DCPH1: variants seen among roughly 807,000 people sequenced by gnomAD.
DCPH1 encodes damage control phosphatase 1.
the DCPH1 span, among the ~76,000 whole-genome samples, chr6:151,465,825 A>AGATT: frequency 2.0e-5 from 3 of 152,226 alleles, no homozygotes; most frequent in Non-Finnish European, 2.9e-5. Context: ...ACTTGCTAAC[A>AGATT]GATTATACCT....
the DCPH1 span, among the ~76,000 whole-genome samples, chr6:151,465,373 G>A: frequency 6.6e-6 from 1 of 152,148 alleles, no homozygotes; most frequent in Non-Finnish European, 1.5e-5. Context: ...GAGAAATAAA[G>A]CAGGAAAAGG....
the DCPH1 span, among the ~76,000 whole-genome samples, chr6:151,462,885 G>A: frequency 6.6e-6 from 1 of 152,152 alleles, no homozygotes; most frequent in Non-Finnish European, 1.5e-5. Context: ...ATTAGAACAT[G>A]TTTTATTAGA....
the DCPH1 span, chr6:151,458,611 T>C: frequency 1.3e-6 from 2 of 1,495,572 alleles, no homozygotes; most frequent in Non-Finnish European, 1.8e-6. Context: ...GTTTAGATAA[T>C]TTATACTTTT....
At chr6:151,464,547 C>T in the DCPH1 span, 2 of 1,611,720 alleles carry the variant, frequency 1.2e-6, no homozygotes, top group South Asian at 1.1e-5. Flanking sequence ...TACTCACCTG[C>T]AACAATTGAT....
chr6:151,469,486 A>G, the DCPH1 span: 1 of 161,386 alleles, frequency 6.2e-6, no homozygotes, highest in African/African-American at 2.4e-5. Flanking sequence ...AGTACACTGC[A>G]TGGTATTTAA....
the DCPH1 span, among the ~76,000 whole-genome samples, chr6:151,462,458 TTCAC>T: frequency 6.6e-6 from 1 of 152,234 alleles, no homozygotes; most frequent in Non-Finnish European, 1.5e-5. Flanking sequence ...TCTGGCTTCT[TTCAC>T]TCATTTTTAT....
the DCPH1 span, chr6:151,468,990 A>G: frequency 2.7e-5 from 43 of 1,614,270 alleles, no homozygotes; most frequent in African/African-American, 5.5e-4. Flanking sequence ...CCATAAGAAC[A>G]TTAAAAGCTG....
chr6:151,453,927 G>C, the DCPH1 span, among the ~76,000 whole-genome samples: 2 of 152,022 alleles, frequency 1.3e-5, no homozygotes, highest in African/African-American at 2.4e-5. Flanking sequence ...CTGATTTTTT[G>C]AGTGGGAAGA....
chr6:151,454,829 A>T, the DCPH1 span, among the ~76,000 whole-genome samples: 1 of 152,238 alleles, frequency 6.6e-6, no homozygotes, highest in African/African-American at 2.4e-5. Context: ...TTCAATTTAG[A>T]AAATGATTGT....
At chr6:151,468,611 C>T in the DCPH1 span, 1 of 1,614,150 alleles carries the variant, frequency 6.2e-7, no homozygotes, top group Non-Finnish European at 8.5e-7. Flanking sequence ...GAACTGGCTA[C>T]TGAGGTTCAT....
chr6:151,468,653 C>T, the DCPH1 span: 1 of 1,613,950 alleles, frequency 6.2e-7, no homozygotes. Flanking sequence ...TGGTTTGTTT[C>T]TGATACTACT....
At chr6:151,467,370 A>G in the DCPH1 span, among the ~76,000 whole-genome samples, 142 of 152,154 alleles carry the variant, frequency 9.3e-4, no homozygotes, top group African/African-American at 3.3e-3. Flanking sequence ...AGGCCACGGC[A>G]GGAGGATTGC....
the DCPH1 span, among the ~76,000 whole-genome samples, chr6:151,463,240 G>A: frequency 6.6e-6 from 1 of 152,096 alleles, no homozygotes; most frequent in Non-Finnish European, 1.5e-5. Context: ...GATTTCAGCG[G>A]TGCTGCCATT....
chr6:151,462,343 C>T, the DCPH1 span, among the ~76,000 whole-genome samples: 2 of 152,328 alleles, frequency 1.3e-5, no homozygotes, highest in East Asian at 3.9e-4. Context: ...CCTTTCCAGT[C>T]ACTGCCTTCA....
chr6:151,468,558 G>A, the DCPH1 span: 349 of 1,614,058 alleles, frequency 2.2e-4, 2 homozygotes, highest in Middle Eastern at 2.3e-3. Context: ...CTGGATTTGA[G>A]CTTGTTACAG....
the DCPH1 span, among the ~76,000 whole-genome samples, chr6:151,463,017 A>G: frequency 2.0e-5 from 3 of 152,176 alleles, no homozygotes; most frequent in Non-Finnish European, 4.4e-5. Flanking sequence ...AAGAATGAGC[A>G]TGGCTGTGTT....
the DCPH1 span, chr6:151,468,260 A>C: frequency 3.4e-6 from 3 of 869,624 alleles, no homozygotes; most frequent in African/African-American, 5.0e-5. Flanking sequence ...GTTTTTTAGC[A>C]ATGTCCCCCC....
chr6:151,468,332 TTC>T, the DCPH1 span: 3 of 1,523,096 alleles, frequency 2.0e-6, no homozygotes, highest in Admixed American at 6.8e-5. Flanking sequence ...TTTGTACTTT[TTC>T]TTTTTCAGAT....
chr6:151,462,382 A>T, the DCPH1 span, among the ~76,000 whole-genome samples: 1 of 152,126 alleles, frequency 6.6e-6, no homozygotes, highest in East Asian at 1.9e-4. Context: ...CATTGTTCTG[A>T]CCTGTGTTAG....
Sources: gnomAD v4.1 joint callset for allele counts (sites outside exome capture counted in the v4.1 genomes callset) on GRCh38, gnomAD v4.1.1 for gene constraint, MANE v1.5 for transcripts, NCBI Gene and HGNC (gene_info 2026-07-23, HGNC 2026-07-21) for gene names.